Variants in ZNF827 observed in about 807,000 individuals in gnomAD.
ZNF827 encodes zinc finger protein 827.
In ZNF827, 13 loss-of-function variants were observed where a neutral mutation model predicts 102.4. The ratio of observed to expected loss-of-function variants is 0.13; its 90% CI spans 0.08 to 0.20. ZNF827 has a LOEUF of 0.20. Ranked by LOEUF, ZNF827 falls within the 10% of genes least tolerant of loss-of-function variation. ZNF827 has a pLI of 1.00. For synonymous variants in ZNF827, 523 were observed against 536.2 expected, an observed-to-expected ratio of 0.98 and a Z score of 0.34; for missense variants, 1,103 against 1,344.4, an observed-to-expected ratio of 0.82 and a Z score of 2.81.
chr4:145,867,889 C>T (rs1206638272), intron 5 of ZNF827, among the ~76,000 whole-genome samples: 1 of 152,214 alleles, frequency 6.6e-6, no homozygotes, highest in African/African-American at 2.4e-5. Context: ...GTCTATAGAG[C>T]AACAGAAGTG....
At chr4:145,849,248 T>A (rs28497499) in intron 6 of ZNF827, 74 bp downstream of exon 6, 364,189 of 1,352,590 alleles carry the variant, frequency 0.27, 46,427 homozygotes, top group East Asian at 0.6. Context: ...TTTTTTTTTT[T>A]AAAAAAAACT....
chr4:145,828,323 GAAGTGGAA>G (rs1208743560), intron 7 of ZNF827, among the ~76,000 whole-genome samples: 6 of 152,220 alleles, frequency 3.9e-5, no homozygotes, highest in African/African-American at 1.4e-4. Flanking sequence ...GTAAGCCAAG[GAAGTGGAA>G]AAAAGCAAGA....
chr4:145,795,683 G>T (rs1221968054), intron 8 of ZNF827, among the ~76,000 whole-genome samples: 3 of 152,184 alleles, frequency 2.0e-5, no homozygotes, highest in African/African-American at 7.2e-5. Flanking sequence ...TTCCTTTTGA[G>T]CCGATCGTTT....
chr4:145,849,496 C>A lies in ZNF827; in HGVS notation c.2047G>T (p.Asp683Tyr). ...KEEPMEVDIQ[D>Y]SHVSISPSRN... ...CTGGGTGATATCGAGACATGGGAGT[C>A]CTGGATGTCAACCTCCATGGGTTCC... The change falls in exon 6 of 15, where the codon GAC (aspartate) becomes TAC (tyrosine). Residue 683 changes from aspartate to tyrosine, a missense_variant. This residue lies in a region of ZNF827 where 243 missense variants were observed against 251.6 expected (regional missense o/e 0.97). Coordinates refer to ENST00000508784, the MANE Select transcript of ZNF827 (RefSeq NM_001306215.2). 1 of 1,614,134 alleles carries A rather than the reference C, an allele frequency of 6.2e-7. No homozygotes were observed. Among genetic ancestry groups the A allele is most frequent in the Non-Finnish European group, 8.5e-7 (1 of 1,180,028 alleles).
At chr4:145,878,482 A>C (rs1480055730) in intron 4 of ZNF827, among the ~76,000 whole-genome samples, 2 of 151,842 alleles carry the variant, frequency 1.3e-5, no homozygotes, top group African/African-American at 4.8e-5. Context: ...CTGAGGTGGG[A>C]GGATCACCTG....
At chr4:145,880,761 AG>A (rs1749591781) in intron 4 of ZNF827, among the ~76,000 whole-genome samples, 2 of 152,356 alleles carry the variant, frequency 1.3e-5, no homozygotes, top group East Asian at 3.9e-4. Context: ...CAGGGTTAAA[AG>A]GAAGGGCTAA....
At chr4:145,925,803 T>A (rs1753377681) in intron 1 of ZNF827, among the ~76,000 whole-genome samples, 1 of 152,072 alleles carries the variant, frequency 6.6e-6, no homozygotes, top group Non-Finnish European at 1.5e-5. Context: ...AATTTTAGAG[T>A]TCAACGCTTC....
chr4:145,826,074 C>T (rs181115277), intron 7 of ZNF827, among the ~76,000 whole-genome samples: 5 of 152,298 alleles, frequency 3.3e-5, no homozygotes, highest in Admixed American at 3.3e-4. Context: ...GGTCTCAGAC[C>T]AAACACACAG....
At position 145,789,801 on chromosome 4, in the gene ZNF827, AAAG is replaced by A. The variant is rs148287040; in HGVS notation, c.2384-10293_2384-10291del. On this transcript the variant is annotated intron_variant, in intron 8 of 14. Coordinates refer to ENST00000508784, the MANE Select transcript of ZNF827 (RefSeq NM_001306215.2). ...GTTCCACTGTAAATTCACCAACCAT[AAAG>A]AAGAAGCATCCATGATCACATAAAT... Among the ~76,000 whole-genome samples the A allele has an allele frequency of 5.2e-3, 797 of 152,358 alleles. 6 individuals are homozygous for A. The highest frequency in any genetic ancestry group is 0.018 in the African/African-American group (744 of 41,578).
intron 8 of ZNF827, among the ~76,000 whole-genome samples, chr4:145,813,061 C>G (rs1742198590): frequency 1.3e-5 from 2 of 152,182 alleles, no homozygotes; most frequent in Non-Finnish European, 2.9e-5. Flanking sequence ...ACCCCTTTGT[C>G]CGGCATTCCA....
At chr4:145,828,474 C>G (rs901781276) in intron 7 of ZNF827, among the ~76,000 whole-genome samples, 2 of 152,142 alleles carry the variant, frequency 1.3e-5, no homozygotes, top group Non-Finnish European at 2.9e-5. Flanking sequence ...AACATATTCC[C>G]TTTGGCCCGG....
chr4:145,927,292 C>T (rs1753494475), intron 1 of ZNF827, among the ~76,000 whole-genome samples: 1 of 152,194 alleles, frequency 6.6e-6, no homozygotes, highest in African/African-American at 2.4e-5. Context: ...TGACTCCGTT[C>T]TACTATTCTC....
intron 5 of ZNF827, among the ~76,000 whole-genome samples, chr4:145,864,809 A>G (rs1322555666): frequency 6.6e-6 from 1 of 152,164 alleles, no homozygotes; most frequent in Non-Finnish European, 1.5e-5. Context: ...CTAAGTACAA[A>G]TTGGCCTCAC....
intron 5 of ZNF827, among the ~76,000 whole-genome samples, chr4:145,862,527 T>C (rs6537381): frequency 0.049 from 7,398 of 152,224 alleles, 447 homozygotes; most frequent in African/African-American, 0.15. Flanking sequence ...ATGGGATATA[T>C]ATATATATAT....
At chr4:145,858,529 C>T (rs1316518415) in intron 5 of ZNF827, among the ~76,000 whole-genome samples, 3 of 151,404 alleles carry the variant, frequency 2.0e-5, no homozygotes. Context: ...GTAGTCCCAG[C>T]TACTTGGGAG....
At chr4:145,869,330 T>C (rs1048290719) in intron 5 of ZNF827, among the ~76,000 whole-genome samples, 2 of 152,226 alleles carry the variant, frequency 1.3e-5, no homozygotes, top group Admixed American at 1.3e-4. Context: ...CTGATGAAAT[T>C]ACAGGTCTTA....
At chr4:145,917,270 A>C (rs1752726452) in intron 1 of ZNF827, among the ~76,000 whole-genome samples, 1 of 152,224 alleles carries the variant, frequency 6.6e-6, no homozygotes, top group African/African-American at 2.4e-5. Flanking sequence ...TGCTATAACA[A>C]AACACGCACG....
chr4:145,868,069 T>C (rs187693948), intron 5 of ZNF827, among the ~76,000 whole-genome samples: 3 of 152,346 alleles, frequency 2.0e-5, no homozygotes, highest in Admixed American at 6.5e-5. Flanking sequence ...AACTCTAATA[T>C]CCACTTTAAA....
chr4:145,856,981 GCACGCACACACA>G (rs1331530878), intron 5 of ZNF827, among the ~76,000 whole-genome samples: 1 of 83,224 alleles, frequency 1.2e-5, no homozygotes, highest in Non-Finnish European at 2.4e-5. Flanking sequence ...GCGCGCACGC[GCACGCACACACA>G]CACACACACA....
Sources: gnomAD v4.1 joint callset for allele counts (sites outside exome capture counted in the v4.1 genomes callset) on GRCh38, gnomAD v4.1.1 for gene constraint, gnomAD v4.1.1 regional missense constraint, MANE v1.5 for transcripts, NCBI Gene and HGNC (gene_info 2026-07-23, HGNC 2026-07-21) for gene names.